The following WIPI2 variants were observed in gnomAD, a reference collection of about 807,000 sequenced individuals.
The protein encoded by WIPI2 is WD repeat domain phosphoinositide-interacting protein 2.
A neutral mutation model predicts 52.3 loss-of-function variants in WIPI2; 28 were observed. The ratio of observed to expected loss-of-function variants is 0.54; its 90% confidence interval spans 0.40 to 0.73. The LOEUF is 0.73. Ranked by LOEUF, WIPI2 falls within the 30% of genes least tolerant of loss-of-function variation. The pLI is 0.00. For missense variants in WIPI2, 506 were observed against 602.9 expected (o/e 0.84, Z 1.68); for synonymous variants, 268 against 245.0 (o/e 1.09, Z -0.88).
chr7:5,190,570 A>G, intron 1 of WIPI2, 77 bp downstream of exon 1: 1 of 1,299,070 alleles, frequency 7.7e-7, no homozygotes, highest in Non-Finnish European at 9.9e-7. Flanking sequence ...CTCGCTGCCA[A>G]GCTCGGCGGC....
At position 5,232,118 on chromosome 7, in the gene WIPI2, C is replaced by A; in HGVS notation, c.*1171C>A. 2 of 398,830 alleles carry A rather than the reference C, an allele frequency of 5.0e-6. No individual in the cohort carries two copies. Among genetic ancestry groups the A allele is most frequent in the South Asian group, 2.6e-4 (2 of 7,736 alleles). The allele number at this position is 398,830 out of a possible 1,614,324, so 24.7% of individuals were successfully genotyped here. A position where few individuals can be genotyped will look rare whatever the true frequency, so the allele number is the denominator to read the frequency against. ...CCAAGGCACCCAGCAGCCAAAGTGT[C>A]GAGGGCATTTAAGTGGCATTAATGG... On this transcript the variant is annotated 3_prime_UTR_variant, in exon 13 of 13. Transcript: ENST00000288828.
chr7:5,196,341 T>A (rs1583539048), intron 2 of WIPI2, among the ~76,000 whole-genome samples: 1 of 152,118 alleles, frequency 6.6e-6, no homozygotes. Flanking sequence ...AGAGCAAAAC[T>A]CCATCTAAAA....
chr7:5,207,078 T>TTG (rs35995778), intron 3 of WIPI2, among the ~76,000 whole-genome samples: 23,755 of 151,892 alleles, frequency 0.16, 1,972 homozygotes, highest in East Asian at 0.31. Flanking sequence ...TGGCTTTATT[T>TTG]TGTGTGTGTG....
intron 8 of WIPI2, among the ~76,000 whole-genome samples, chr7:5,224,382 G>A (rs1783316272): frequency 6.6e-6 from 1 of 152,172 alleles, no homozygotes; most frequent in South Asian, 2.1e-4. Flanking sequence ...TCCTTTGCCT[G>A]TGGCAAATGG....
intron 6 of WIPI2, chr7:5,217,694 G>A (rs1431442411): frequency 3.8e-5 from 21 of 548,966 alleles, no homozygotes; most frequent in Non-Finnish European, 6.9e-5. Context: ...CCACGGGAAT[G>A]TTTGAAGGAA....
chr7:5,223,590 G>A (rs1005758645), intron 8 of WIPI2, among the ~76,000 whole-genome samples: 1 of 152,088 alleles, frequency 6.6e-6, no homozygotes, highest in East Asian at 1.9e-4. Flanking sequence ...GCCTGTTTCT[G>A]CCCTGGAGCC....
chr7:5,202,994 A>C (rs1488360023), intron 3 of WIPI2, among the ~76,000 whole-genome samples: 1 of 152,220 alleles, frequency 6.6e-6, no homozygotes, highest in Non-Finnish European at 1.5e-5. Context: ...AAAACATCTC[A>C]TAAACATTCC....
At chr7:5,216,890 C>G (rs1002914639) in intron 5 of WIPI2, 200 bp from the exon 6 acceptor site, 1 of 704,104 alleles carries the variant, frequency 1.4e-6, no homozygotes, top group African/African-American at 1.8e-5. Context: ...AACCAAAGGC[C>G]TTTAATCTCT....
chr7:5,216,657 C>A lies in WIPI2; in HGVS notation c.476C>A (p.Ala159Glu), dbSNP rs775331175. Residue 159 changes from alanine to glutamate, a missense_variant and splice_region_variant, in exon 5 of 13, where the codon GCA becomes GAA. Physicochemically the swap from Ala to Glu is moderately radical, Grantham distance 107. Around this residue, in one of 4 missense-constraint regions of WIPI2, gnomAD observed 237 missense variants for 346.9 expected, o/e 0.68. Transcript: ENST00000288828. ...ATCAGGGAGACGCCTCCAAACCCTG[C>A]AGGTGAGCTAACTTGTGAGGAGAGA... ...HTIRETPPNP[A>E]GLCALSINND... 1 of 1,614,022 alleles carries A rather than the reference C, an allele frequency of 6.2e-7. No individual in the cohort carries two copies. The highest frequency in any genetic ancestry group is 1.7e-5 in the Admixed American group (1 of 60,012).
At chr7:5,198,060 G>C (rs1375987892) in intron 2 of WIPI2, among the ~76,000 whole-genome samples, 1 of 152,212 alleles carries the variant, frequency 6.6e-6, no homozygotes, top group Non-Finnish European at 1.5e-5. Context: ...GCAGAAGCGG[G>C]TGATGAGTAT....
chr7:5,217,089 G>C lies in WIPI2; in HGVS notation c.479-1G>C, dbSNP rs767496307. Reference sequence around the variant, plus strand: ...TCTCGTCCTCCGTGTGTCATTTGCAGGCCTGTGTGCGCTGTCAATCAACAA... The same window carrying C: ...TCTCGTCCTCCGTGTGTCATTTGCACGCCTGTGTGCGCTGTCAATCAACAA... On this transcript the variant is annotated splice_acceptor_variant, in intron 5 of 12. Coordinates refer to ENST00000288828, the MANE Select transcript of WIPI2 (RefSeq NM_015610.4). LOFTEE classifies it high-confidence loss of function. The C allele has an allele frequency of 6.2e-7, 1 of 1,609,860 alleles. No homozygotes were observed. Among genetic ancestry groups the C allele is most frequent in the South Asian group, 1.1e-5 (1 of 91,008 alleles).
chr7:5,204,764 A>G (rs779343789), intron 3 of WIPI2, among the ~76,000 whole-genome samples: 32 of 152,012 alleles, frequency 2.1e-4, no homozygotes, highest in Non-Finnish European at 3.8e-4. Context: ...GCTCACTGTA[A>G]CCTCAACCTC....
chr7:5,221,040 T>TCC (rs1409778514), intron 7 of WIPI2, among the ~76,000 whole-genome samples: 22 of 148,004 alleles, frequency 1.5e-4, no homozygotes, highest in African/African-American at 5.5e-4. Flanking sequence ...CTCGGCTCAC[T>TCC]GCAACCTCCG....
rs1583528059 is a variant in WIPI2 at position 5,190,342 on chromosome 7, C to G, written c.-78C>G. On this transcript the variant is annotated 5_prime_UTR_variant, in exon 1 of 13. Coordinates refer to ENST00000288828, the MANE Select transcript of WIPI2 (RefSeq NM_015610.4). ...GACCGAGGCGGCGAGCGGGGCCCGG[C>G]GCCGACCCTGAGTGCAGCCTGACCC... 2.9e-6 allele frequency: 3 copies of G among 1,041,488 alleles called. No individual in the cohort carries two copies. Among genetic ancestry groups the G allele is most frequent in the Non-Finnish European group, 3.7e-6 (3 of 814,998 alleles). The allele number at this position is 1,041,488 out of a possible 1,614,324, so 64.5% of individuals were successfully genotyped here.
At chr7:5,210,394 T>TA (rs1782497796) in intron 3 of WIPI2, among the ~76,000 whole-genome samples, 2 of 152,348 alleles carry the variant, frequency 1.3e-5, no homozygotes, top group Non-Finnish European at 2.9e-5. Flanking sequence ...TGGGCACAGT[T>TA]ACCTGCTTGC....
chr7:5,208,123 A>G (rs1782381285), intron 3 of WIPI2, among the ~76,000 whole-genome samples: 1 of 152,206 alleles, frequency 6.6e-6, no homozygotes, highest in Non-Finnish European at 1.5e-5. Flanking sequence ...TGATGTGTGT[A>G]TAATGATAAC....
intron 2 of WIPI2, among the ~76,000 whole-genome samples, chr7:5,197,144 A>C (rs1260669312): frequency 1.3e-5 from 2 of 149,184 alleles, no homozygotes; most frequent in Non-Finnish European, 3.0e-5. Context: ...AAAAAAAAAA[A>C]AACCATAAAA....
At chr7:5,193,081 C>G (rs751164567) in intron 1 of WIPI2, 37 bp from the exon 2 acceptor site, 2 of 1,590,098 alleles carry the variant, frequency 1.3e-6, no homozygotes, top group South Asian at 2.2e-5. Context: ...TTGTTTTTTA[C>G]CATTTGTTTT....
chr7:5,209,663 C>G (rs1190078186), intron 3 of WIPI2, among the ~76,000 whole-genome samples: 1 of 152,310 alleles, frequency 6.6e-6, no homozygotes. Flanking sequence ...CATCCCATCA[C>G]AGTTAACACC....
Sources: allele counts gnomAD v4.1 joint callset (sites outside exome capture counted in the v4.1 genomes callset), GRCh38; gene constraint gnomAD v4.1.1; regional missense constraint gnomAD v4.1.1; transcripts MANE v1.5; gene names NCBI Gene and HGNC (gene_info 2026-07-23, HGNC 2026-07-21).